Variants in PAPOLG observed in about 807,000 individuals in gnomAD.
The protein encoded by PAPOLG is poly(A) polymerase gamma, also known as PAP-gamma.
PAPOLG carries 40 observed loss-of-function variants against 99.0 expected under a neutral mutation model. That is an observed-to-expected ratio of 0.40 (90% CI 0.31 to 0.53). The LOEUF (loss-of-function observed/expected upper bound fraction) is 0.53, where lower values mean the gene tolerates loss of function less well. PAPOLG is among the 20% of genes least tolerant of loss of function. PAPOLG has a pLI of 0.41. For missense variants in PAPOLG, 675 were observed against 884.1 expected, an observed-to-expected ratio of 0.76 and a Z score of 3.00; for synonymous variants, 310 against 299.3, an observed-to-expected ratio of 1.04 and a Z score of -0.37.
At position 60,792,196 on chromosome 2, in the gene PAPOLG, G is replaced by C. The variant is rs1226981204; in HGVS notation, c.1586G>C (p.Ser529Thr). 1.2e-6 allele frequency: 2 copies of C among 1,607,678 alleles called. No individual in the cohort carries two copies. Among genetic ancestry groups the C allele is most frequent in the Non-Finnish European group, 8.5e-7 (1 of 1,178,572 alleles). Residue 529 changes from serine to threonine, a missense_variant, in exon 17 of 22, where the codon AGT becomes ACT. This residue lies in a region of PAPOLG where 413 missense variants were observed against 460.5 expected (regional missense o/e 0.90). Coordinates refer to ENST00000238714, the MANE Select transcript of PAPOLG (RefSeq NM_022894.4). ...LQSKRLSLDS[S>T]CLDSSRDTDN... ...TCCAAAAGATTGTCTCTGGATAGCAGTTGTCTGGATAGCTCCAGAGACACT... is the reference window on the plus strand; with the variant it reads ...TCCAAAAGATTGTCTCTGGATAGCACTTGTCTGGATAGCTCCAGAGACACT...
At chr2:60,784,671 C>A (rs1671302972) in intron 13 of PAPOLG, among the ~76,000 whole-genome samples, 1 of 152,194 alleles carries the variant, frequency 6.6e-6, no homozygotes, top group African/African-American at 2.4e-5. Flanking sequence ...TCTAGATCTG[C>A]AGTCAGAAAA....
intron 7 of PAPOLG, 184 bp from the exon 8 acceptor site, chr2:60,774,850 C>CT: frequency 1.6e-6 from 1 of 625,190 alleles, no homozygotes; most frequent in Non-Finnish European, 2.0e-6. Flanking sequence ...TTACCCATGT[C>CT]TTTTTTAATT....
chr2:60,771,456 G>T, intron 6 of PAPOLG, 63 bp from the exon 7 acceptor site: 12 of 1,502,382 alleles, frequency 8.0e-6, no homozygotes, highest in Non-Finnish European at 1.1e-5. Flanking sequence ...TTGGTGGGAT[G>T]GGAGAGGATG....
At chr2:60,779,322 A>G (rs914579841) in intron 8 of PAPOLG, among the ~76,000 whole-genome samples, 2 of 152,186 alleles carry the variant, frequency 1.3e-5, no homozygotes, top group Admixed American at 6.5e-5. Flanking sequence ...GGGAATTTCA[A>G]TGTAGTATCA....
chr2:60,756,869 T>TC (rs1183430827), intron 1 of PAPOLG, among the ~76,000 whole-genome samples: 4 of 149,398 alleles, frequency 2.7e-5, no homozygotes, highest in African/African-American at 9.9e-5. Flanking sequence ...TCCCCCTGCC[T>TC]CCCCCTCCTC....
chr2:60,762,952 A>T (rs11686759), intron 3 of PAPOLG, among the ~76,000 whole-genome samples: 71,317 of 149,128 alleles, frequency 0.48, 17,551 homozygotes, highest in Middle Eastern at 0.6. Context: ...ATTTTATTTT[A>T]TTTTTTTTTG....
intron 16 of PAPOLG, 86 bp from the exon 17 acceptor site, chr2:60,792,043 A>G: frequency 6.8e-7 from 1 of 1,474,394 alleles, no homozygotes; most frequent in East Asian, 2.3e-5. Context: ...ACAAGAGATA[A>G]TTTGCTTAAG....
At chr2:60,762,004 G>T (rs1376471634) in intron 3 of PAPOLG, among the ~76,000 whole-genome samples, 197 bp downstream of exon 3, 6 of 152,150 alleles carry the variant, frequency 3.9e-5, no homozygotes, top group African/African-American at 1.4e-4. Context: ...ATATAGCTGT[G>T]AGTCCACATA....
At position 60,768,843 on chromosome 2, in the gene PAPOLG, T is replaced by A; in HGVS notation, c.391T>A (p.Ser131Thr). 6.2e-7 allele frequency: 1 copy of A among 1,603,358 alleles called. No individual in the cohort carries two copies. The highest frequency in any genetic ancestry group is 8.5e-7 in the Non-Finnish European group (1 of 1,173,988). ...TGTGGAAAGATCTGATTTTTTTCAG[T>A]CTTTTTTTGAAAAATTGAAACATCA... Reference protein sequence around the residue: ...RHVERSDFFQSFFEKLKHQDG... With the variant: ...RHVERSDFFQTFFEKLKHQDG... Residue 131 changes from serine to threonine, a missense_variant, in exon 5 of 22, where the codon TCT becomes ACT. By Grantham distance (58) the Ser-to-Thr change is moderately conservative. Around this residue, in one of 3 missense-constraint regions of PAPOLG, gnomAD observed 149 missense variants for 192.1 expected, o/e 0.78. Coordinates refer to ENST00000238714, the MANE Select transcript of PAPOLG (RefSeq NM_022894.4).
At position 60,779,695 on chromosome 2, in the gene PAPOLG, A is replaced by C; in HGVS notation, c.753A>C (p.Leu251=). The C allele has an allele frequency of 6.2e-7, 1 of 1,613,916 alleles. No individual in the cohort carries two copies. The highest frequency in any genetic ancestry group is 8.5e-7 in the Non-Finnish European group (1 of 1,179,794). ...GFLGGVSWAM[L]VARTCQLYPN... is the part of the protein sequence containing the mutation. ...TTGGTGGTGTCTCCTGGGCAATGCT[A>C]GTTGCAAGAACTTGCCAATTGTATC... is the stretch of plus-strand genomic sequence containing the variant. Residue 251 remains leucine (L), a synonymous_variant, in exon 9 of 22, where the codon CTA becomes CTC. Transcript: ENST00000238714.
chr2:60,795,166 T>C (rs1671658529), intron 21 of PAPOLG, 146 bp downstream of exon 21: 1 of 699,976 alleles, frequency 1.4e-6, no homozygotes, highest in Non-Finnish European at 2.5e-6. Flanking sequence ...GTAGTTGGGG[T>C]TGGAGATAGC....
chr2:60,782,585 G>T, intron 11 of PAPOLG, 101 bp from the exon 12 acceptor site: 1 of 1,354,850 alleles, frequency 7.4e-7, no homozygotes, highest in Non-Finnish European at 9.5e-7. Flanking sequence ...ATTTCGTCTG[G>T]TGGAGTTTGA....
chr2:60,774,933 CT>C (rs1386109158), intron 7 of PAPOLG, 100 bp from the exon 8 acceptor site: 1 of 1,525,064 alleles, frequency 6.6e-7, no homozygotes. Flanking sequence ...GTTTTATTAT[CT>C]TTCATATTTT....
At chr2:60,764,267 CTA>C (rs1211974832) in intron 3 of PAPOLG, among the ~76,000 whole-genome samples, 2 of 152,154 alleles carry the variant, frequency 1.3e-5, no homozygotes, top group Non-Finnish European at 2.9e-5. Flanking sequence ...CATAGTTTTC[CTA>C]TCTTTGCCTT....
rs952472195 is a variant in PAPOLG at position 60,801,807 on chromosome 2, A to G, written c.*4647A>G. On this transcript the variant is annotated 3_prime_UTR_variant, in exon 22 of 22. Transcript: ENST00000238714. ...GAAATTAGTTGAACATAAGATGATC[A>G]TCAAGCTTGCTATAAGTTTTAAGCT... is the stretch of plus-strand genomic sequence containing the variant. 20 of 152,492 alleles carry G rather than the reference A, an allele frequency of 1.3e-4. No homozygotes were observed. Among genetic ancestry groups the G allele is most frequent in the Non-Finnish European group, 1.8e-4 (12 of 68,038 alleles). The allele number at this position is 152,492 out of a possible 1,614,324, so 9.4% of individuals were successfully genotyped here.
chr2:60,798,711 C>G lies in PAPOLG; in HGVS notation c.*1551C>G, dbSNP rs562361629. On this transcript the variant is annotated 3_prime_UTR_variant, in exon 22 of 22. Transcript: ENST00000238714. ...ATCTAGCAAGTGGAGAAATAGCAGTCCATTTTCTCTTGCAAGCCCTTTACC... is the reference window on the plus strand; with the variant it reads ...ATCTAGCAAGTGGAGAAATAGCAGTGCATTTTCTCTTGCAAGCCCTTTACC... 4.6e-5 allele frequency: 7 copies of G among 152,414 alleles called. No homozygotes were observed. The highest frequency in any genetic ancestry group is 8.8e-5 in the Non-Finnish European group (6 of 68,030). 9.4% of individuals were successfully genotyped at this position (152,414 alleles called of 1,614,324 possible).
chr2:60,761,917 C>A, intron 3 of PAPOLG, 110 bp downstream of exon 3: 1 of 807,408 alleles, frequency 1.2e-6, no homozygotes, highest in Non-Finnish European at 2.1e-6. Flanking sequence ...AAGCTTGGCT[C>A]TCTGGTATAT....
At chr2:60,768,123 A>T (rs562668611) in intron 3 of PAPOLG, among the ~76,000 whole-genome samples, 1 of 151,942 alleles carries the variant, frequency 6.6e-6, no homozygotes, top group Non-Finnish European at 1.5e-5. Flanking sequence ...ATTTTTTGAG[A>T]CAGAGTTTCA....
intron 9 of PAPOLG, 122 bp downstream of exon 9, chr2:60,779,897 A>T (rs1019693252): frequency 1.1e-6 from 1 of 895,038 alleles, no homozygotes; most frequent in Non-Finnish European, 1.6e-6. Context: ...GTAAAGTTGA[A>T]AGTATAAAAC....
Sources: allele counts gnomAD v4.1 joint callset (sites outside exome capture counted in the v4.1 genomes callset), GRCh38; gene constraint gnomAD v4.1.1; regional missense constraint gnomAD v4.1.1; transcripts MANE v1.5; gene names NCBI Gene and HGNC (gene_info 2026-07-23, HGNC 2026-07-21).